GPR158: variants seen among roughly 807,000 people sequenced by gnomAD.
GPR158 encodes G protein-coupled receptor 158.
A neutral mutation model predicts 78.2 loss-of-function variants in GPR158; 30 were observed. The ratio of observed to expected loss-of-function variants is 0.38; its 90% CI spans 0.29 to 0.52. The LOEUF is 0.52. Among genes scored for constraint, GPR158 ranks in the 20% least tolerant of loss-of-function variants. The probability of loss-of-function intolerance (pLI) is 0.83; values close to 1 mark genes in which losing one functional copy is unlikely to be tolerated. For missense variants in GPR158, 1,463 were observed against 1,523.5 expected (o/e 0.96, Z 0.66); for synonymous variants, 581 against 591.1 (o/e 0.98, Z 0.25).
At chr10:25,559,016 A>G (rs1233191033) in intron 6 of GPR158, among the ~76,000 whole-genome samples, 1 of 152,162 alleles carries the variant, frequency 6.6e-6, no homozygotes, top group Non-Finnish European at 1.5e-5. Context: ...ATCCCTACTC[A>G]TTAGCTCTCT....
chr10:25,280,135 T>C (rs896783492), intron 2 of GPR158, among the ~76,000 whole-genome samples: 3 of 152,060 alleles, frequency 2.0e-5, no homozygotes, highest in African/African-American at 7.2e-5. Flanking sequence ...AATTCACTAA[T>C]AAACAACGGT....
intron 4 of GPR158, among the ~76,000 whole-genome samples, chr10:25,435,494 C>T (rs1390474473): frequency 3.3e-5 from 5 of 152,162 alleles, no homozygotes; most frequent in African/African-American, 1.2e-4. Context: ...TATGAAGGCA[C>T]CCAAGTGTGA....
At chr10:25,408,933 A>C (rs1054564931) in intron 3 of GPR158, among the ~76,000 whole-genome samples, 25 of 152,074 alleles carry the variant, frequency 1.6e-4, no homozygotes, top group Non-Finnish European at 1.5e-5. Context: ...CCTGCTTTGG[A>C]CTCAAGTGTG....
intron 2 of GPR158, among the ~76,000 whole-genome samples, chr10:25,308,051 C>T (rs375517324): frequency 2.1e-4 from 32 of 152,274 alleles, no homozygotes; most frequent in East Asian, 1.9e-3. Context: ...CATGTGTTGT[C>T]AAGCATTTTA....
chr10:25,527,452 C>T (rs1212317478), intron 5 of GPR158, among the ~76,000 whole-genome samples: 1 of 151,872 alleles, frequency 6.6e-6, no homozygotes, highest in Non-Finnish European at 1.5e-5. Context: ...ACTTAAAAGC[C>T]CCAAATATTT....
chr10:25,394,141 A>C (rs904551743), intron 2 of GPR158, among the ~76,000 whole-genome samples: 2 of 152,214 alleles, frequency 1.3e-5, no homozygotes, highest in Non-Finnish European at 2.9e-5. Flanking sequence ...TCAGGCCAAA[A>C]ACGCTGGAGT....
chr10:25,475,137 C>A (rs1483413051), intron 5 of GPR158, among the ~76,000 whole-genome samples: 7 of 152,098 alleles, frequency 4.6e-5, no homozygotes, highest in African/African-American at 1.7e-4. Flanking sequence ...GGGAATCTTT[C>A]CTTGACTGAG....
intron 2 of GPR158, among the ~76,000 whole-genome samples, chr10:25,388,358 A>G (rs1341964): frequency 0.71 from 107,212 of 152,052 alleles, 38,780 homozygotes; most frequent in African/African-American, 0.77. Flanking sequence ...GCAGTCAACC[A>G]CACCACCCCC....
chr10:25,339,131 T>C (rs898029911), intron 2 of GPR158, among the ~76,000 whole-genome samples: 2 of 151,454 alleles, frequency 1.3e-5, no homozygotes, highest in African/African-American at 4.9e-5. Flanking sequence ...ACTACAGGCT[T>C]GCACCACCAT....
At chr10:25,301,776 T>C (rs548020966) in intron 2 of GPR158, among the ~76,000 whole-genome samples, 1 of 152,298 alleles carries the variant, frequency 6.6e-6, no homozygotes, top group South Asian at 2.1e-4. Context: ...GAAATACATA[T>C]TAAGGTCAAC....
Position 25,191,209 on chromosome 10 carries a change from T to C in GPR158, c.902+14887T>C, listed in dbSNP as rs879746817. On this transcript the variant is annotated intron_variant, in intron 1 of 10. Transcript: ENST00000376351. ...AAAAGCTCCTTTCTGAATTAGAATT[T>C]TAGAAGTAAAGGGGATTTTAGAGAT... 7.0e-4 allele frequency among the ~76,000 whole-genome samples: 107 copies of C among 152,220 alleles called. 1 individual carries two copies. Among genetic ancestry groups the C allele is most frequent in the Admixed American group, 2.6e-4 (4 of 15,280 alleles).
chr10:25,516,846 C>T (rs1332440429), intron 5 of GPR158, among the ~76,000 whole-genome samples: 1,576 of 120,540 alleles, frequency 0.013, 54 homozygotes, highest in African/African-American at 0.055. Context: ...ATTGACTTGG[C>T]GATGTGGGCT....
At chr10:25,491,206 C>G (rs887125327) in intron 5 of GPR158, among the ~76,000 whole-genome samples, 1 of 152,032 alleles carries the variant, frequency 6.6e-6, no homozygotes, top group Admixed American at 6.6e-5. Flanking sequence ...TATTGCTCAC[C>G]CAGTATTACT....
intron 2 of GPR158, among the ~76,000 whole-genome samples, chr10:25,345,466 A>G (rs991407580): frequency 2.6e-5 from 4 of 151,980 alleles, no homozygotes; most frequent in African/African-American, 9.7e-5. Context: ...TAATGTAGTC[A>G]TTTGTATTTT....
chr10:25,596,924 G>A, intron 10 of GPR158, 135 bp downstream of exon 10: 1 of 712,450 alleles, frequency 1.4e-6, no homozygotes, highest in Non-Finnish European at 2.4e-6. Flanking sequence ...AAGAGGGAAT[G>A]TGTTTGGGTA....
At chr10:25,210,465 A>G (rs1853112568) in intron 1 of GPR158, among the ~76,000 whole-genome samples, 1 of 152,204 alleles carries the variant, frequency 6.6e-6, no homozygotes, top group African/African-American at 2.4e-5. Context: ...GACAGCGTGC[A>G]TCAGTTTCCA....
At chr10:25,395,230 A>G (rs1290802305) in intron 2 of GPR158, among the ~76,000 whole-genome samples, 2 of 152,138 alleles carry the variant, frequency 1.3e-5, no homozygotes, top group African/African-American at 2.4e-5. Flanking sequence ...GGAGATGTCT[A>G]TTGTTTATGA....
intron 2 of GPR158, among the ~76,000 whole-genome samples, chr10:25,275,816 T>C (rs532922811): frequency 5.3e-4 from 80 of 152,160 alleles, no homozygotes; most frequent in Non-Finnish European, 1.0e-3. Flanking sequence ...TTAGATAGGT[T>C]TTTTGGTTTG....
At chr10:25,435,216 T>G (rs1259620105) in intron 4 of GPR158, among the ~76,000 whole-genome samples, 1 of 152,150 alleles carries the variant, frequency 6.6e-6, no homozygotes, top group African/African-American at 2.4e-5. Flanking sequence ...ATGGGTAGAG[T>G]TCATAATCTT....
Sources: gnomAD v4.1 joint callset for allele counts (sites outside exome capture counted in the v4.1 genomes callset) on GRCh38, gnomAD v4.1.1 for gene constraint, MANE v1.5 for transcripts, NCBI Gene and HGNC (gene_info 2026-07-23, HGNC 2026-07-21) for gene names.